TMEM117: variants seen among roughly 807,000 people sequenced by gnomAD.
TMEM117 encodes transmembrane protein 117.
Under a neutral mutation model 52.4 loss-of-function variants are expected in TMEM117, and 27 were observed. The ratio of observed to expected loss-of-function variants is 0.51; its 90% confidence interval spans 0.38 to 0.71. The LOEUF (loss-of-function observed/expected upper bound fraction) is 0.71, where lower values mean the gene tolerates loss of function less well. TMEM117 is among the 30% of genes least tolerant of loss of function. The pLI, the probability that TMEM117 is intolerant of heterozygous loss-of-function variation, is 0.00. For synonymous variants in TMEM117, 215 were observed against 206.3 expected, an observed-to-expected ratio of 1.04 and a Z score of -0.36; for missense variants, 556 against 630.5, an observed-to-expected ratio of 0.88 and a Z score of 1.26.
At chr12:43,813,887 A>G in the TMEM117 span, among the ~76,000 whole-genome samples, 2 of 150,550 alleles carry the variant, frequency 1.3e-5, no homozygotes, top group South Asian at 4.2e-4. Flanking sequence ...TCCCTCCCTT[A>G]CTTTCTTTTA....
At chr12:44,075,161 C>T (rs994778724) in intron 3 of TMEM117, among the ~76,000 whole-genome samples, 9 of 152,200 alleles carry the variant, frequency 5.9e-5, no homozygotes, top group Non-Finnish European at 1.3e-4. Flanking sequence ...CCACCTTAAA[C>T]CTGAGCTATG....
the TMEM117 span, among the ~76,000 whole-genome samples, chr12:43,808,316 T>C: frequency 6.6e-6 from 1 of 152,174 alleles, no homozygotes; most frequent in African/African-American, 2.4e-5. Context: ...AGAGATTACA[T>C]AGCTCTTCTA....
chr12:44,069,258 TG>T (rs1451077085), intron 3 of TMEM117, among the ~76,000 whole-genome samples: 7 of 152,158 alleles, frequency 4.6e-5, no homozygotes, highest in African/African-American at 1.4e-4. Flanking sequence ...ACCTACACTT[TG>T]CAGGATATAT....
intron 4 of TMEM117, among the ~76,000 whole-genome samples, chr12:44,177,337 C>T (rs1423533504): frequency 6.6e-6 from 1 of 152,170 alleles, no homozygotes; most frequent in African/African-American, 2.4e-5. Flanking sequence ...TGTTATAGCT[C>T]ATTGAAGGCT....
chr12:44,104,150 C>G (rs559758874), intron 3 of TMEM117, among the ~76,000 whole-genome samples: 1 of 151,920 alleles, frequency 6.6e-6, no homozygotes, highest in African/African-American at 2.4e-5. Flanking sequence ...TAAATGGAAG[C>G]TATCCTGGAA....
intron 2 of TMEM117, among the ~76,000 whole-genome samples, chr12:43,874,334 A>C (rs1160526447): frequency 6.6e-6 from 1 of 152,118 alleles, no homozygotes; most frequent in Non-Finnish European, 1.5e-5. Flanking sequence ...TTAGCCCAGC[A>C]CTTTGGGAGG....
chr12:44,152,839 TATATAA>T (rs956479727), intron 4 of TMEM117, among the ~76,000 whole-genome samples: 1 of 144,720 alleles, frequency 6.9e-6, no homozygotes, highest in African/African-American at 2.5e-5. Flanking sequence ...ATATTGTATT[TATATAA>T]ATACAATATA....
intron 6 of TMEM117, among the ~76,000 whole-genome samples, chr12:44,354,971 A>G (rs1951626030): frequency 6.6e-6 from 1 of 152,070 alleles, no homozygotes; most frequent in African/African-American, 2.4e-5. Flanking sequence ...GAAAGCTTAC[A>G]GTTAAAATTA....
intron 4 of TMEM117, among the ~76,000 whole-genome samples, chr12:44,184,783 C>G (rs368094705): frequency 6.6e-6 from 1 of 152,098 alleles, no homozygotes; most frequent in Non-Finnish European, 1.5e-5. Context: ...TATAATTTAC[C>G]TCATTTTCTG....
At chr12:43,883,780 C>G (rs1302422448) in intron 2 of TMEM117, among the ~76,000 whole-genome samples, 1 of 146,230 alleles carries the variant, frequency 6.8e-6, no homozygotes, top group Non-Finnish European at 1.5e-5. Context: ...AAACAAAAAA[C>G]AAAAAAAAAC....
intron 3 of TMEM117, among the ~76,000 whole-genome samples, chr12:44,041,652 G>A (rs1946800560): frequency 6.6e-6 from 1 of 151,956 alleles, no homozygotes; most frequent in South Asian, 2.1e-4. Flanking sequence ...ACCAAAACCT[G>A]ACAGAGACAC....
chr12:43,875,436 C>G (rs1943779252), intron 2 of TMEM117, among the ~76,000 whole-genome samples: 1 of 152,086 alleles, frequency 6.6e-6, no homozygotes, highest in Non-Finnish European at 1.5e-5. Flanking sequence ...TTTGAGATAC[C>G]TGGAAATCCA....
intron 3 of TMEM117, among the ~76,000 whole-genome samples, chr12:44,064,430 C>T (rs150680332): frequency 3.1e-4 from 47 of 152,218 alleles, no homozygotes; most frequent in African/African-American, 1.0e-3. Flanking sequence ...AGACCAAAAT[C>T]GAATCTTTGA....
chr12:43,972,174 A>T (rs958629286), intron 3 of TMEM117, among the ~76,000 whole-genome samples: 1 of 152,214 alleles, frequency 6.6e-6, no homozygotes, highest in South Asian at 2.1e-4. Flanking sequence ...AACAGGAAGG[A>T]GATACTATGG....
chr12:44,019,501 G>A (rs1001393937), intron 3 of TMEM117, among the ~76,000 whole-genome samples: 4 of 151,996 alleles, frequency 2.6e-5, no homozygotes, highest in African/African-American at 9.7e-5. Context: ...CTGATCTGGG[G>A]CTCTCTTCTC....
intron 3 of TMEM117, among the ~76,000 whole-genome samples, chr12:43,996,271 T>C (rs1210020855): frequency 6.6e-6 from 1 of 152,224 alleles, no homozygotes; most frequent in East Asian, 1.9e-4. Context: ...TGAGATTGTT[T>C]CCTAGATACA....
chr12:44,253,526 A>C (rs1172782996), intron 5 of TMEM117, among the ~76,000 whole-genome samples: 1 of 152,162 alleles, frequency 6.6e-6, no homozygotes, highest in Non-Finnish European at 1.5e-5. Flanking sequence ...GCTGAATTTC[A>C]GTTGTGGGTT....
intron 3 of TMEM117, among the ~76,000 whole-genome samples, chr12:44,051,523 A>G (rs571194982): frequency 6.6e-6 from 1 of 152,292 alleles, no homozygotes; most frequent in African/African-American, 2.4e-5. Flanking sequence ...TGTAAGGGAA[A>G]TTGTACATTA....
the TMEM117 span, among the ~76,000 whole-genome samples, chr12:43,810,165 G>A: frequency 6.6e-6 from 1 of 152,196 alleles, no homozygotes; most frequent in Non-Finnish European, 1.5e-5. Context: ...GCTTTTTGAT[G>A]TATTATTTAT....
Sources: gnomAD v4.1 joint callset for allele counts (sites outside exome capture counted in the v4.1 genomes callset) on GRCh38, gnomAD v4.1.1 for gene constraint, MANE v1.5 for transcripts, NCBI Gene and HGNC (gene_info 2026-07-23, HGNC 2026-07-21) for gene names.